Variants in SAMMSON observed in about 807,000 individuals in gnomAD.
The protein encoded by SAMMSON is survival associated mitochondrial melanoma specific oncogenic non-coding RNA.
At chr3:70,299,752 C>T (rs1702328779) in intron 7 of SAMMSON, among the ~76,000 whole-genome samples, 1 of 152,132 alleles carries the variant, frequency 6.6e-6, no homozygotes, top group African/African-American at 2.4e-5. Flanking sequence ...ACTCACAAAT[C>T]TTTTCTAAAG....
At chr3:70,128,008 T>A (rs1477954290) in intron 4 of SAMMSON, among the ~76,000 whole-genome samples, 1 of 152,220 alleles carries the variant, frequency 6.6e-6, no homozygotes, top group African/African-American at 2.4e-5. Context: ...CCAGAATGGA[T>A]AACGTTCCTG....
At chr3:70,202,668 T>A (rs895804025) in intron 4 of SAMMSON, among the ~76,000 whole-genome samples, 1 of 152,134 alleles carries the variant, frequency 6.6e-6, no homozygotes, top group African/African-American at 2.4e-5. Context: ...AGTGGTGTTT[T>A]GCTGGGAGCA....
chr3:70,332,272 ACT>A (rs1481600379), intron 7 of SAMMSON, among the ~76,000 whole-genome samples: 1 of 152,080 alleles, frequency 6.6e-6, no homozygotes, highest in Non-Finnish European at 1.5e-5. Context: ...CTTCGTTAGA[ACT>A]CTCACATAAA....
intron 4 of SAMMSON, among the ~76,000 whole-genome samples, chr3:70,221,612 G>A (rs925324851): frequency 6.6e-6 from 1 of 152,080 alleles, no homozygotes; most frequent in Non-Finnish European, 1.5e-5. Context: ...CATTCCTTCT[G>A]TGCTGTCTCT....
chr3:70,036,849 T>C (rs1292540131), intron 3 of SAMMSON, among the ~76,000 whole-genome samples: 1 of 152,084 alleles, frequency 6.6e-6, no homozygotes, highest in Non-Finnish European at 1.5e-5. Flanking sequence ...TCTTAAATGA[T>C]ACAATGACCA....
chr3:70,018,629 G>A (rs1295925374), intron 3 of SAMMSON, among the ~76,000 whole-genome samples: 1 of 152,042 alleles, frequency 6.6e-6, no homozygotes, highest in Non-Finnish European at 1.5e-5. Flanking sequence ...GCTAGCTTTT[G>A]AATGTGTTTG....
intron 4 of SAMMSON, among the ~76,000 whole-genome samples, chr3:70,072,991 G>C (rs1193289211): frequency 6.6e-6 from 1 of 152,018 alleles, no homozygotes; most frequent in East Asian, 1.9e-4. Context: ...GAATGCTGAG[G>C]CTGGTGAAAT....
intron 2 of SAMMSON, among the ~76,000 whole-genome samples, chr3:70,404,773 C>G (rs1057018583): frequency 6.6e-6 from 1 of 152,160 alleles, no homozygotes; most frequent in Non-Finnish European, 1.5e-5. Context: ...GAGGCACTTT[C>G]TGGACAGCAC....
chr3:70,021,760 C>T (rs555450004), intron 3 of SAMMSON, among the ~76,000 whole-genome samples: 1 of 151,958 alleles, frequency 6.6e-6, no homozygotes, highest in Non-Finnish European at 1.5e-5. Context: ...GTAGCCTGCT[C>T]CAATTAATAA....
intron 4 of SAMMSON, among the ~76,000 whole-genome samples, chr3:70,110,085 C>A (rs1311315664): frequency 1.1e-4 from 16 of 152,154 alleles, no homozygotes; most frequent in Admixed American, 1.0e-3. Context: ...GGAGAGGCAC[C>A]CAACCTAGTC....
chr3:70,177,431 G>A (rs1416374072), intron 4 of SAMMSON, among the ~76,000 whole-genome samples: 1 of 152,194 alleles, frequency 6.6e-6, no homozygotes, highest in Admixed American at 6.5e-5. Flanking sequence ...CAAGGTCATA[G>A]TCAAATGAAA....
intron 6 of SAMMSON, among the ~76,000 whole-genome samples, chr3:70,284,016 G>T (rs1470026015): frequency 1.3e-5 from 2 of 152,036 alleles, no homozygotes; most frequent in African/African-American, 2.4e-5. Flanking sequence ...CCATGCCTTT[G>T]GGTGGCAGAG....
chr3:70,412,685 C>T (rs1425381636), intron 2 of SAMMSON, among the ~76,000 whole-genome samples: 1 of 152,088 alleles, frequency 6.6e-6, no homozygotes, highest in Non-Finnish European at 1.5e-5. Flanking sequence ...TGTCGCTTAG[C>T]AGGGATAAGA....
upstream of SAMMSON, chr3:69,999,759 A>T (rs547607276): frequency 1.3e-5 from 2 of 152,492 alleles, no homozygotes; most frequent in African/African-American, 2.4e-5. Flanking sequence ...GTCGCTAGAC[A>T]TTTGAGGAAC....
intron 4 of SAMMSON, among the ~76,000 whole-genome samples, chr3:70,181,554 G>A (rs113864042): frequency 0.014 from 2,142 of 152,256 alleles, 54 homozygotes; most frequent in African/African-American, 0.049. Flanking sequence ...AAATTGGGAA[G>A]AGTCCCCACC....
intron 3 of SAMMSON, among the ~76,000 whole-genome samples, chr3:70,016,284 T>A (rs1413531410): frequency 1.3e-5 from 2 of 152,134 alleles, no homozygotes; most frequent in African/African-American, 4.8e-5. Flanking sequence ...AATCTCATTG[T>A]GGTTTTGATT....
intron 4 of SAMMSON, among the ~76,000 whole-genome samples, chr3:70,174,421 T>C (rs753260977): frequency 6.6e-6 from 1 of 151,932 alleles, no homozygotes; most frequent in African/African-American, 2.4e-5. Context: ...AAATCCAGGC[T>C]CAGGGTCCAG....
At chr3:70,069,453 G>A (rs1281344799) in intron 3 of SAMMSON, 4 of 152,110 alleles carry the variant, frequency 2.6e-5, no homozygotes, top group Admixed American at 2.6e-4. Context: ...TGTGAAAAGA[G>A]CAACACTCAT....
intron 4 of SAMMSON, among the ~76,000 whole-genome samples, chr3:70,176,481 A>G (rs754431947): frequency 1.6e-4 from 25 of 152,170 alleles, no homozygotes; most frequent in Non-Finnish European, 3.1e-4. Flanking sequence ...ATGACAAAAT[A>G]TTCTTTTGTA....
Sources: gnomAD v4.1 joint callset for allele counts (sites outside exome capture counted in the v4.1 genomes callset) on GRCh38, gnomAD v4.1.1 for gene constraint, MANE v1.5 for transcripts, NCBI Gene and HGNC (gene_info 2026-07-23, HGNC 2026-07-21) for gene names.